Variants in CFAP47 observed in about 807,000 individuals in gnomAD.
CFAP47 encodes the protein cilia- and flagella-associated protein 47.
A neutral mutation model predicts 148.1 loss-of-function variants in CFAP47; 29 were observed. The observed-to-expected ratio is 0.20, with a 90% CI of 0.15 to 0.27. CFAP47 has a LOEUF of 0.27. CFAP47 is among the 10% of genes least tolerant of loss of function. The pLI, the probability that CFAP47 is intolerant of heterozygous loss-of-function variation, is 1.00. For missense variants in CFAP47, 1,872 were observed against 1,697.5 expected (o/e 1.10, Z -1.81); for synonymous variants, 664 against 577.3 (o/e 1.15, Z -2.15).
chrX:36,138,609 G>A (rs1427687520), intron 35 of CFAP47, 145 bp downstream of exon 35: 1 of 599,503 alleles, frequency 1.7e-6, no homozygotes. Context: ...TGTAGAAATT[G>A]AAATATGACT....
intron 46 of CFAP47, among the ~76,000 whole-genome samples, chrX:36,232,653 C>A (rs1264853667): frequency 9.0e-6 from 1 of 111,413 alleles, no homozygotes; most frequent in Non-Finnish European, 1.9e-5. Context: ...TTGCCTTCTG[C>A]TAGCTTTTGA....
intron 50 of CFAP47, among the ~76,000 whole-genome samples, chrX:36,281,673 A>G (rs1395045217): frequency 5.3e-5 from 6 of 112,603 alleles, no homozygotes; most frequent in Non-Finnish European, 1.1e-4. Context: ...CATTTCTAAA[A>G]TAGCTTCACA....
chrX:36,182,641 C>T (rs750791465), intron 40 of CFAP47, among the ~76,000 whole-genome samples: 2 of 111,770 alleles, frequency 1.8e-5, no homozygotes, highest in African/African-American at 6.5e-5. Flanking sequence ...ATAGCAGTGC[C>T]TCTATGATTA....
At chrX:36,256,656 G>A (rs1338242330) in intron 49 of CFAP47, among the ~76,000 whole-genome samples, 2 of 111,472 alleles carry the variant, frequency 1.8e-5, no homozygotes, top group Admixed American at 9.5e-5. Context: ...CAACAAACAG[G>A]GAGATGTGTA....
At chrX:35,969,853 CAAG>C (rs993054142) in intron 10 of CFAP47, among the ~76,000 whole-genome samples, 2 of 111,828 alleles carry the variant, frequency 1.8e-5, no homozygotes, top group African/African-American at 6.5e-5. Context: ...TTGTTGAAGA[CAAG>C]AAGAAAAATT....
chrX:36,328,672 C>T (rs1256658325), intron 57 of CFAP47, among the ~76,000 whole-genome samples: 1 of 106,943 alleles, frequency 9.4e-6, no homozygotes, highest in African/African-American at 3.4e-5. Context: ...TAGCCGGGCG[C>T]GGTGGCGGGC....
At chrX:36,168,033 T>C (rs1939514346) in intron 39 of CFAP47, among the ~76,000 whole-genome samples, 1 of 110,868 alleles carries the variant, frequency 9.0e-6, no homozygotes, top group Non-Finnish European at 1.9e-5. Context: ...TCCAGCTCCT[T>C]TTTTATTACT....
chrX:36,194,995 A>T (rs1347352301), intron 42 of CFAP47, among the ~76,000 whole-genome samples: 1 of 112,609 alleles, frequency 8.9e-6, no homozygotes, highest in Non-Finnish European at 1.9e-5. Context: ...CTTACTGAAC[A>T]TATGACACAG....
chrX:36,047,412 G>A (rs1341244091), intron 26 of CFAP47, among the ~76,000 whole-genome samples: 1 of 111,751 alleles, frequency 8.9e-6, no homozygotes, highest in Non-Finnish European at 1.9e-5. Flanking sequence ...CAATTGGACA[G>A]GAAATAACCC....
At position 35,970,872 on chromosome X, in the gene CFAP47, T is replaced by C. The variant is rs1482913960; in HGVS notation, c.1919T>C (p.Met640Thr). 1 of 1,189,544 alleles carries C rather than the reference T, an allele frequency of 8.4e-7. No homozygotes were observed. Among genetic ancestry groups the C allele is most frequent in the Non-Finnish European group, 1.1e-6 (1 of 883,119 alleles). ...AAATTACATGAAAACTATTATGCAA[T>C]GTATCTTAAATATTTAAGAAGTGTG... The part of the protein sequence containing the change: ...QKKLHENYYA[M>T]YLKYLRSVRL... The change falls in exon 11 of 64, where the codon ATG becomes ACG. Residue 640 changes from methionine to threonine, a missense_variant. Coordinates refer to ENST00000378653, the MANE Select transcript of CFAP47 (RefSeq NM_001304548.2).
At chrX:36,163,096 A>G (rs1265592966) in intron 39 of CFAP47, among the ~76,000 whole-genome samples, 1 of 111,724 alleles carries the variant, frequency 9.0e-6, no homozygotes, top group Non-Finnish European at 1.9e-5. Context: ...GCCTGTTCAG[A>G]TTTTCTGTTT....
intron 1 of CFAP47, among the ~76,000 whole-genome samples, chrX:35,924,084 T>G (rs1055622352): frequency 1.0e-5 from 1 of 96,595 alleles, no homozygotes; most frequent in Non-Finnish European, 2.0e-5. Flanking sequence ...TATATGTACA[T>G]GTATGCGTAC....
chrX:36,320,859 C>CT (rs75734297), intron 57 of CFAP47, among the ~76,000 whole-genome samples: 13,056 of 111,273 alleles, frequency 0.12, 623 homozygotes, highest in East Asian at 0.26. Flanking sequence ...GGAAAGCACT[C>CT]TTTGTAATGT....
intron 13 of CFAP47, among the ~76,000 whole-genome samples, chrX:35,973,092 A>T (rs1204140818): frequency 8.9e-6 from 1 of 112,360 alleles, no homozygotes; most frequent in Non-Finnish European, 1.9e-5. Context: ...TAAATGAATA[A>T]GATGTTGAAT....
At chrX:36,114,577 A>C (rs1938608159) in intron 33 of CFAP47, among the ~76,000 whole-genome samples, 2 of 111,071 alleles carry the variant, frequency 1.8e-5, no homozygotes, top group African/African-American at 6.6e-5. Context: ...TATAAGGTGG[A>C]TTCAGCTGAT....
At chrX:35,923,999 G>GCACA (rs1569200931) in intron 1 of CFAP47, among the ~76,000 whole-genome samples, 22 of 101,105 alleles carry the variant, frequency 2.2e-4, no homozygotes, top group African/African-American at 4.3e-4. Context: ...ACATATATGT[G>GCACA]TATATGTGTA....
chrX:36,238,294 G>C (rs1555995225), intron 48 of CFAP47, among the ~76,000 whole-genome samples: 1 of 111,793 alleles, frequency 8.9e-6, no homozygotes, highest in African/African-American at 3.3e-5. Context: ...TGTTCTCTCT[G>C]GCTTATTGCC....
intron 39 of CFAP47, among the ~76,000 whole-genome samples, chrX:36,173,619 A>T (rs1602026951): frequency 1.8e-5 from 2 of 111,649 alleles, no homozygotes; most frequent in South Asian, 3.7e-4. Context: ...TTTGAGTGAG[A>T]TTCTTAATCC....
At chrX:35,924,138 T>C (rs768325871) in intron 1 of CFAP47, among the ~76,000 whole-genome samples, 12 of 99,122 alleles carry the variant, frequency 1.2e-4, no homozygotes, top group Non-Finnish European at 1.8e-4. Flanking sequence ...TATGTATATG[T>C]GTACATGTAT....
Sources: gnomAD v4.1 joint callset for allele counts (sites outside exome capture counted in the v4.1 genomes callset) on GRCh38, gnomAD v4.1.1 for gene constraint, MANE v1.5 for transcripts, NCBI Gene and HGNC (gene_info 2026-07-23, HGNC 2026-07-21) for gene names.